Variants in MTSS2 observed in about 807,000 individuals in gnomAD.
MTSS2 encodes the protein MTSS I-BAR domain containing 2.
A neutral mutation model predicts 67.1 loss-of-function variants in MTSS2; 27 were observed. The observed-to-expected ratio is 0.40, with a 90% CI of 0.30 to 0.55. The LOEUF (loss-of-function observed/expected upper bound fraction) is 0.55. Ranked by LOEUF, MTSS2 falls within the 20% of genes least tolerant of loss-of-function variation. The pLI, the probability that MTSS2 is intolerant of heterozygous loss-of-function variation, is 0.43. For missense variants in MTSS2, 1,171 were observed against 1,067.8 expected, an observed-to-expected ratio of 1.10 and a Z score of -1.35; for synonymous variants, 624 against 468.6, an observed-to-expected ratio of 1.33 and a Z score of -4.28.
chr16:70,677,250 T>C (rs950645057), intron 9 of MTSS2, among the ~76,000 whole-genome samples: 1 of 152,134 alleles, frequency 6.6e-6, no homozygotes, highest in African/African-American at 2.4e-5. Context: ...GGGGTGCAGG[T>C]TGCTCCTGCG....
Position 70,664,587 on chromosome 16 carries a change from C to T in MTSS2, c.1471+11G>A, listed in dbSNP as rs765398478. Reference sequence around the variant, plus strand: ...GCTGTCCCTGGTCCCACCCCAGCCCCGCGGGCCTGCCTTGGGAGGGGATGG... The same window carrying T: ...GCTGTCCCTGGTCCCACCCCAGCCCTGCGGGCCTGCCTTGGGAGGGGATGG... On this transcript the variant is annotated intron_variant, in intron 14 of 14. Transcript: ENST00000338779. The T allele has an allele frequency of 4.3e-6, 7 of 1,610,236 alleles. No individual in the cohort carries two copies. Among genetic ancestry groups the T allele is most frequent in the South Asian group, 2.2e-5 (2 of 90,940 alleles).
At chr16:70,671,771 A>G (rs1335377282) in intron 11 of MTSS2, among the ~76,000 whole-genome samples, 1 of 152,054 alleles carries the variant, frequency 6.6e-6, no homozygotes, top group Non-Finnish European at 1.5e-5. Flanking sequence ...CACCTTAACT[A>G]AGGATCAAGG....
At chr16:70,665,200 G>A (rs1310801169) in intron 12 of MTSS2, 104 bp from the exon 13 acceptor site, 3 of 1,343,272 alleles carry the variant, frequency 2.2e-6, no homozygotes, top group African/African-American at 1.5e-5. Context: ...GGCTATCAGG[G>A]GGTCTCTGGT....
At position 70,664,955 on chromosome 16, in the gene MTSS2, G is replaced by T; in HGVS notation, c.1270C>A (p.Arg424=). Residue 424 remains arginine, a synonymous_variant, in exon 13 of 15, where the codon CGA becomes AGA. Transcript: ENST00000338779. ...ATGGTGGCAGGGGACATCCGGGGTC[G>T]CGGTGCCTCTTCCCCGCTGGGGCCC... ...TLGPSGEEAP[R]PRMSPATIAA... is the part of the protein sequence containing the mutation. 4 of 1,568,492 alleles carry T rather than the reference G, an allele frequency of 2.6e-6. No individual in the cohort carries two copies. Among genetic ancestry groups the T allele is most frequent in the Non-Finnish European group, 3.4e-6 (4 of 1,165,132 alleles).
At chr16:70,669,758 A>T (rs1166928179) in intron 11 of MTSS2, among the ~76,000 whole-genome samples, 1 of 151,020 alleles carries the variant, frequency 6.6e-6, no homozygotes, top group African/African-American at 2.4e-5. Flanking sequence ...CGGAGGTTGC[A>T]GTGAGCTGAG....
intron 11 of MTSS2, chr16:70,665,835 G>A (rs2052695145): frequency 1.0e-5 from 3 of 291,472 alleles, no homozygotes; most frequent in South Asian, 1.5e-4. Context: ...GCCACCGAGG[G>A]GAAAAAGAGA....
intron 11 of MTSS2, among the ~76,000 whole-genome samples, chr16:70,671,698 G>T (rs2052942457): frequency 6.6e-6 from 1 of 152,140 alleles, no homozygotes; most frequent in African/African-American, 2.4e-5. Flanking sequence ...TCCCCTCACA[G>T]GATATTTTAT....
chr16:70,669,749 G>C (rs940509007), intron 11 of MTSS2, among the ~76,000 whole-genome samples: 1 of 149,056 alleles, frequency 6.7e-6, no homozygotes, highest in Non-Finnish European at 1.5e-5. Flanking sequence ...CCCGGGAGGC[G>C]GAGGTTGCAG....
chr16:70,675,960 C>T (rs2053103588), intron 10 of MTSS2, among the ~76,000 whole-genome samples: 1 of 152,220 alleles, frequency 6.6e-6, no homozygotes, highest in Non-Finnish European at 1.5e-5. Context: ...CCTGAAGCCT[C>T]CCAGCCTCTG....
At position 70,661,249 on chromosome 16, in the gene MTSS2, C is replaced by A; in HGVS notation, c.*2428G>T. On this transcript the variant is annotated 3_prime_UTR_variant, in exon 15 of 15. Coordinates refer to ENST00000338779, the MANE Select transcript of MTSS2 (RefSeq NM_138383.3). ...TATTAATACTGGAATCTTCACAGTG[C>A]ATCTGTTACTTGTAGCAGTGACTAT... is the stretch of plus-strand genomic sequence containing the variant. The A allele has an allele frequency of 2.2e-6, 1 of 455,566 alleles. No homozygotes were observed. Among genetic ancestry groups the A allele is most frequent in the South Asian group, 1.6e-5 (1 of 64,500 alleles). The allele number at this position is 455,566 out of a possible 1,614,324, so 28.2% of individuals were successfully genotyped here.
chr16:70,679,412 C>A, intron 6 of MTSS2, 89 bp from the exon 7 acceptor site: 1 of 1,540,676 alleles, frequency 6.5e-7, no homozygotes, highest in South Asian at 1.1e-5. Context: ...ACTCCTGGGG[C>A]GGGGGTGCCT....
chr16:70,679,466 G>A (rs1341060403), intron 6 of MTSS2, 143 bp from the exon 7 acceptor site: 129 of 1,249,812 alleles, frequency 1.0e-4, no homozygotes, highest in Non-Finnish European at 1.2e-4. Flanking sequence ...GACCAGGTTT[G>A]GGGGGAAGGG....
chr16:70,666,331 G>A (rs190735490), intron 11 of MTSS2, among the ~76,000 whole-genome samples: 15 of 152,258 alleles, frequency 9.9e-5, no homozygotes. Context: ...AAGTATGAAA[G>A]GGACACACCT....
At chr16:70,670,223 A>T (rs1302876322) in intron 11 of MTSS2, among the ~76,000 whole-genome samples, 1 of 152,098 alleles carries the variant, frequency 6.6e-6, no homozygotes, top group Non-Finnish European at 1.5e-5. Flanking sequence ...GTGAGCTGAA[A>T]TTGCACCACT....
Position 70,663,704 on chromosome 16 carries a change from G to A in MTSS2, c.2217C>T (p.Asn739=), listed in dbSNP as rs753011540. The A allele has an allele frequency of 1.8e-5, 29 of 1,588,754 alleles. No individual in the cohort carries two copies. The highest frequency in any genetic ancestry group is 1.5e-4 in the South Asian group (13 of 87,744). Residue 739 remains asparagine, a synonymous_variant, in exon 15 of 15, where the codon AAC becomes AAT. Transcript: ENST00000338779. ...ATAAGATGCGGGGCGCCGACCTGTCGTTGGTGACGGTCCTGCGGAGCCGGA... is the reference window on the plus strand; with the variant it reads ...ATAAGATGCGGGGCGCCGACCTGTCATTGGTGACGGTCCTGCGGAGCCGGA... ...RGVRLRRTVT[N]DRSAPRIL
chr16:70,663,595 GCC>G lies in MTSS2; in HGVS notation c.*80_*81del. On this transcript the variant is annotated 3_prime_UTR_variant, in exon 15 of 15. Transcript: ENST00000338779. ...TGGCTCTGTCCTCTCTCCTGGCTGG[GCC>G]TTTGCTCTGAGTGCCTGCGGCTCAC... 1 of 1,459,056 alleles carries G rather than the reference GCC, an allele frequency of 6.9e-7. No homozygotes were observed. The highest frequency in any genetic ancestry group is 9.1e-7 in the Non-Finnish European group (1 of 1,104,556). 90.4% of individuals were successfully genotyped at this position (1,459,056 alleles called of 1,614,324 possible).
At chr16:70,672,221 C>A (rs552794918) in intron 11 of MTSS2, among the ~76,000 whole-genome samples, 18 of 152,152 alleles carry the variant, frequency 1.2e-4, no homozygotes, top group Middle Eastern at 3.4e-3. Context: ...GTGGCGCATG[C>A]CTGTAATCCC....
chr16:70,664,457 C>A lies in MTSS2; in HGVS notation c.1472-8G>T, dbSNP rs752410498. On this transcript the variant is annotated splice_region_variant and splice_polypyrimidine_tract_variant and intron_variant, in intron 14 of 14. Coordinates refer to ENST00000338779, the MANE Select transcript of MTSS2 (RefSeq NM_138383.3). ...AGCAGTCGTAGTCGGAGCCTGGGGG[C>A]ACGGGACACAGTGAGGCCCAGGGCC... 6.5e-6 allele frequency: 10 copies of A among 1,536,658 alleles called. No individual in the cohort carries two copies. The highest frequency in any genetic ancestry group is 1.8e-4 in the Middle Eastern group (1 of 5,632).
chr16:70,663,657 G>C lies in MTSS2; in HGVS notation c.*20C>G. 6.4e-7 allele frequency: 1 copy of C among 1,554,672 alleles called. No homozygotes were observed. Among genetic ancestry groups the C allele is most frequent in the Non-Finnish European group, 8.7e-7 (1 of 1,150,860 alleles). On this transcript the variant is annotated 3_prime_UTR_variant, in exon 15 of 15. Coordinates refer to ENST00000338779, the MANE Select transcript of MTSS2 (RefSeq NM_138383.3). The stretch of plus-strand genomic sequence containing the variant: ...CACCTGCTCGCACTGGGGCCTGAGA[G>C]GATGGGGAGGGTGGCGCCATCATAA...
Sources: allele counts gnomAD v4.1 joint callset (sites outside exome capture counted in the v4.1 genomes callset), GRCh38; gene constraint gnomAD v4.1.1; transcripts MANE v1.5; gene names NCBI Gene and HGNC (gene_info 2026-07-23, HGNC 2026-07-21).